Variants in DNAH11 observed in about 807,000 individuals in gnomAD.
DNAH11 encodes the protein axonemal beta dynein heavy chain 11.
DNAH11 carries 442 observed loss-of-function variants against 526.0 expected under a neutral mutation model. That is an observed-to-expected ratio of 0.84 (90% confidence interval 0.78 to 0.91). The LOEUF (loss-of-function observed/expected upper bound fraction) is 0.91, where lower values mean the gene tolerates loss of function less well. Ranked by LOEUF, DNAH11 falls within the 40% of genes least tolerant of loss-of-function variation. The pLI is 0.00. For missense variants in DNAH11, 6,989 were observed against 5,448.7 expected (o/e 1.28, Z -8.90); for synonymous variants, 2,461 against 1,935.9 (o/e 1.27, Z -7.12).
intron 76 of DNAH11, among the ~76,000 whole-genome samples, chr7:21,891,809 C>T (rs1784335788): frequency 6.6e-6 from 1 of 152,070 alleles, no homozygotes; most frequent in Non-Finnish European, 1.5e-5. Flanking sequence ...AAGGTAGGAT[C>T]GGTCTGACTC....
At chr7:21,608,459 C>T (rs905773317) in intron 20 of DNAH11, among the ~76,000 whole-genome samples, 2 of 152,144 alleles carry the variant, frequency 1.3e-5, no homozygotes, top group African/African-American at 2.4e-5. Context: ...AGTCTTAACT[C>T]CTTAGCTGGA....
At chr7:21,624,515 T>G (rs142569550) in intron 25 of DNAH11, among the ~76,000 whole-genome samples, 87 of 152,316 alleles carry the variant, frequency 5.7e-4, no homozygotes, top group African/African-American at 1.9e-3. Context: ...CAGACACACT[T>G]TCACTTCTTC....
chr7:21,884,186 C>T (rs1039260400), intron 75 of DNAH11, 105 bp from the exon 76 acceptor site: 25 of 966,590 alleles, frequency 2.6e-5, no homozygotes, highest in African/African-American at 9.9e-5. Flanking sequence ...CTCCTATTGA[C>T]GGAGGCTTGG....
chr7:21,794,935 G>A (rs1788647225), intron 61 of DNAH11, among the ~76,000 whole-genome samples: 1 of 152,148 alleles, frequency 6.6e-6, no homozygotes, highest in African/African-American at 2.4e-5. Flanking sequence ...GATTTTGGTA[G>A]GGGCATTGCA....
At position 21,558,981 on chromosome 7, in the gene DNAH11, G is replaced by C. The variant is rs775568674; in HGVS notation, c.675G>C (p.Gln225His). The change falls in exon 3 of 82, where the codon CAG becomes CAC. Residue 225 changes from glutamine (Q) to histidine (H), a missense_variant. Gln to His is a conservative substitution (Grantham distance 24, BLOSUM62 0). Coordinates refer to ENST00000409508, the MANE Select transcript of DNAH11 (RefSeq NM_001277115.2). ...TTGCAGGAAAGATGGATCTGGATCA[G>C]AATTGTTCAGAGAACAAGTACGTAA... is the stretch of plus-strand genomic sequence containing the variant. ...PTVAGKMDLD[Q>H]NCSENKPPSN... 6.3e-7 allele frequency: 1 copy of C among 1,579,756 alleles called. No individual in the cohort carries two copies. Among genetic ancestry groups the C allele is most frequent in the South Asian group, 1.2e-5 (1 of 86,274 alleles).
At chr7:21,565,996 G>A (rs907924754) in intron 6 of DNAH11, among the ~76,000 whole-genome samples, 2 of 152,036 alleles carry the variant, frequency 1.3e-5, no homozygotes, top group Admixed American at 1.3e-4. Flanking sequence ...CTAATGGCGC[G>A]GGTCTCTATG....
chr7:21,669,485 A>G (rs1250723036), intron 30 of DNAH11, among the ~76,000 whole-genome samples: 1 of 151,912 alleles, frequency 6.6e-6, no homozygotes, highest in Non-Finnish European at 1.5e-5. Flanking sequence ...TTAATTGTTG[A>G]TTGTAGGATT....
chr7:21,545,749 G>A (rs1327257185), intron 2 of DNAH11, among the ~76,000 whole-genome samples: 13 of 152,150 alleles, frequency 8.5e-5, no homozygotes, highest in Non-Finnish European at 1.9e-4. Flanking sequence ...TTGTGAAAGA[G>A]GTTGGTTCAT....
intron 30 of DNAH11, among the ~76,000 whole-genome samples, chr7:21,668,487 G>A (rs751285840): frequency 2.0e-5 from 3 of 152,072 alleles, no homozygotes; most frequent in Non-Finnish European, 4.4e-5. Context: ...CAGTGCTAAT[G>A]TTCTAATATT....
intron 43 of DNAH11, among the ~76,000 whole-genome samples, chr7:21,719,259 G>T (rs1382152546): frequency 6.6e-5 from 10 of 152,054 alleles, no homozygotes; most frequent in Admixed American, 3.3e-4. Context: ...GACAAAAATG[G>T]GTATAAGAAG....
chr7:21,769,368 T>C (rs1787323168), intron 55 of DNAH11, among the ~76,000 whole-genome samples: 1 of 151,418 alleles, frequency 6.6e-6, no homozygotes, highest in South Asian at 2.1e-4. Context: ...AAGTTTGTAG[T>C]TTTGTGGCTT....
intron 20 of DNAH11, among the ~76,000 whole-genome samples, chr7:21,613,090 A>C (rs1785597885): frequency 6.6e-6 from 1 of 152,192 alleles, no homozygotes; most frequent in Non-Finnish European, 1.5e-5. Context: ...AGGAAAAGAC[A>C]AAATGACTAT....
rs77635945 is a variant in DNAH11, at chr7:21,645,661, G to A, written c.4944+6596G>A. On this transcript the variant is annotated intron_variant, in intron 28 of 81. Transcript: ENST00000409508. ...TGGATAGAAATTTGCCAGGGTAGGGGGAGGAGGAATCTACTATATCTAAAA... is the reference window on the plus strand; with the variant it reads ...TGGATAGAAATTTGCCAGGGTAGGGAGAGGAGGAATCTACTATATCTAAAA... Among the ~76,000 whole-genome samples the A allele has an allele frequency of 5.7e-3, 814 of 143,248 alleles. 39 individuals carry two copies. The East Asian group carries it at 0.13, about 23-fold the overall frequency. The allele number at this position is 143,248 out of a possible 152,430, so 94.0% of individuals were successfully genotyped here.
At chr7:21,602,771 A>AT (rs1207040438) in intron 18 of DNAH11, among the ~76,000 whole-genome samples, 1 of 152,152 alleles carries the variant, frequency 6.6e-6, no homozygotes, top group Admixed American at 6.5e-5. Context: ...CAAGTTTGTT[A>AT]ATGTCTAAGA....
intron 70 of DNAH11, among the ~76,000 whole-genome samples, 163 bp downstream of exon 70, chr7:21,864,820 C>T (rs1040977428): frequency 2.6e-5 from 4 of 152,154 alleles, no homozygotes; most frequent in Non-Finnish European, 5.9e-5. Flanking sequence ...TTGTATTATT[C>T]AATTGGTTAA....
intron 18 of DNAH11, among the ~76,000 whole-genome samples, chr7:21,604,417 C>G (rs897935956): frequency 1.3e-5 from 2 of 152,146 alleles, no homozygotes; most frequent in Admixed American, 1.3e-4. Context: ...TTCTGATCTG[C>G]AGGACTTATC....
chr7:21,728,237 C>CTTTTTTTTTTTTTTTTTTTTTTTT lies in DNAH11; in HGVS notation c.7440+2268_7440+2291dup, dbSNP rs71026816. On this transcript the variant is annotated intron_variant, in intron 45 of 81. Transcript: ENST00000409508. ...TCACCCATTCCAACAGCCCACAATTCTTTTTTTTTTTTTTTTTTTTTTTTT... is the reference window on the plus strand; with the variant it reads ...TCACCCATTCCAACAGCCCACAATTCTTTTTTTTTTTTTTTTTTTTTTTTTTTTTTTTTTTTTTTTTTTTTTTTT... Among the ~76,000 whole-genome samples the CTTTTTTTTTTTTTTTTTTTTTTTT allele has an allele frequency of 3.4e-5, 2 of 58,870 alleles. 1 individual carries two copies. The highest frequency in any genetic ancestry group is 1.5e-4 in the African/African-American group (2 of 13,032). 38.6% of individuals were successfully genotyped at this position (58,870 alleles called of 152,430 possible).
At chr7:21,779,895 A>G (rs1583686759) in intron 57 of DNAH11, among the ~76,000 whole-genome samples, 1 of 152,218 alleles carries the variant, frequency 6.6e-6, no homozygotes, top group East Asian at 1.9e-4. Context: ...ATAAAAAGTT[A>G]TAAGTTGCTA....
Position 21,880,825 on chromosome 7 carries a change from C to G in DNAH11, c.12319C>G (p.Pro4107Ala), listed in dbSNP as rs374648685. The G allele has an allele frequency of 5.0e-6, 8 of 1,613,984 alleles. No individual in the cohort carries two copies. The highest frequency in any genetic ancestry group is 1.7e-4 in the Middle Eastern group (1 of 6,042). The change falls in exon 75 of 82, where the codon CCT becomes GCT. Residue 4107 changes from proline (P) to alanine (A), a missense_variant. Pro to Ala is a conservative substitution (Grantham distance 27, BLOSUM62 -1). Transcript: ENST00000409508. Reference sequence around the variant, plus strand: ...CCCCCAGGGCTGGAGCCGAAGCTATCCTTTTAATCCTGGAGACCTCACCAT... The same window carrying G: ...CCCCCAGGGCTGGAGCCGAAGCTATGCTTTTAATCCTGGAGACCTCACCAT... ...FGPQGWSRSY[P>A]FNPGDLTICA...
Sources: gnomAD v4.1 joint callset for allele counts (sites outside exome capture counted in the v4.1 genomes callset) on GRCh38, gnomAD v4.1.1 for gene constraint, MANE v1.5 for transcripts, NCBI Gene and HGNC (gene_info 2026-07-23, HGNC 2026-07-21) for gene names.